Variants in PRSS35 observed in about 807,000 individuals in gnomAD.
The protein encoded by PRSS35 is serine protease 35, also known as inactive serine protease 35.
Under a neutral mutation model 8.1 loss-of-function variants are expected in PRSS35, and 7 were observed. That is an observed-to-expected ratio of 0.86 (90% CI 0.49 to 1.62). PRSS35 has a LOEUF of 1.62. PRSS35 is among the 40% of genes most tolerant of loss of function. The probability of loss-of-function intolerance (pLI) is 0.00; values close to 1 mark genes in which losing one functional copy is unlikely to be tolerated. For missense variants in PRSS35, 566 were observed against 518.0 expected (o/e 1.09, Z -0.90); for synonymous variants, 199 against 188.7 (o/e 1.05, Z -0.45).
rs1771701110 is a variant in PRSS35 at position 83,515,803 on chromosome 6, C to A, written c.-21+3109C>A. 4.7e-5 allele frequency among the ~76,000 whole-genome samples: 7 copies of A among 149,362 alleles called. No individual in the cohort carries two copies. The South Asian group carries it at 1.3e-3, about 28-fold the overall frequency. On this transcript the variant is annotated intron_variant, in intron 1 of 1. Transcript: ENST00000369700. ...GGCCCTTTTCTACTTTTTAATCACT[C>A]CCTACTACTACTACTTCTCTTTTCT...
intron 1 of PRSS35, among the ~76,000 whole-genome samples, chr6:83,513,138 G>A (rs1427668195): frequency 1.3e-5 from 2 of 152,000 alleles, no homozygotes; most frequent in African/African-American, 2.4e-5. Context: ...ATGAGGCGGC[G>A]AAATGAAGTA....
At position 83,524,778 on chromosome 6, in the gene PRSS35, T is replaced by G. The variant is rs1335396110; in HGVS notation, c.*95T>G. 8.7e-6 allele frequency: 11 copies of G among 1,260,646 alleles called. No individual in the cohort carries two copies. Among genetic ancestry groups the G allele is most frequent in the Non-Finnish European group, 1.1e-5 (10 of 922,970 alleles). 78.1% of individuals were successfully genotyped at this position (1,260,646 alleles called of 1,614,324 possible). A position where few individuals can be genotyped will look rare whatever the true frequency, so the allele number is the denominator to read the frequency against. The stretch of plus-strand genomic sequence containing the variant: ...ATCACTTCATAGGTTATGCCTGGAC[T>G]TGAACTCTGTCAATAGCATTTCAAC... On this transcript the variant is annotated 3_prime_UTR_variant, in exon 2 of 2. Transcript: ENST00000369700.
In PRSS35 at chr6:83,523,738, A is replaced by G; in HGVS notation, c.297A>G (p.Lys99=). The G allele has an allele frequency of 6.2e-7, 1 of 1,614,164 alleles. No individual in the cohort carries two copies. The highest frequency in any genetic ancestry group is 8.5e-7 in the Non-Finnish European group (1 of 1,180,034). The change falls in exon 2 of 2, where the codon AAA becomes AAG. Residue 99 remains lysine (K), a synonymous_variant. Coordinates refer to ENST00000369700, the MANE Select transcript of PRSS35 (RefSeq NM_153362.3). ...GCACCCGAACCTTAACCAGGGTGAA[A>G]GTTCAAGATTTGGTTCTTGAGCCGA... ...ENGTRTLTRV[K]VQDLVLEPTQ... is the part of the protein sequence containing the mutation.
Position 83,524,368 on chromosome 6 carries a change from C to T in PRSS35, c.927C>T (p.Phe309=). The T allele has an allele frequency of 6.2e-7, 1 of 1,614,056 alleles. No homozygotes were observed. The highest frequency in any genetic ancestry group is 2.2e-5 in the East Asian group (1 of 44,892). ...IKKMPGGMIH[F]SGFDNDRADQ... ...AAATGCCTGGTGGAATGATCCACTT[C>T]TCAGGATTTGATAACGATAGGGCTG... Residue 309 remains phenylalanine, a synonymous_variant, in exon 2 of 2, where the codon TTC becomes TTT. Coordinates refer to ENST00000369700, the MANE Select transcript of PRSS35 (RefSeq NM_153362.3).
chr6:83,513,250 A>G (rs1771657883), intron 1 of PRSS35, among the ~76,000 whole-genome samples: 1 of 151,980 alleles, frequency 6.6e-6, no homozygotes, highest in South Asian at 2.1e-4. Context: ...CAATAGTTGA[A>G]GCTGGTGATG....
chr6:83,522,245 A>G (rs1771836078), intron 1 of PRSS35, among the ~76,000 whole-genome samples: 1 of 152,212 alleles, frequency 6.6e-6, no homozygotes, highest in Non-Finnish European at 1.5e-5. Flanking sequence ...ACTATTAGTT[A>G]AAAATGACTT....
chr6:83,516,779 C>T (rs767611068), intron 1 of PRSS35, among the ~76,000 whole-genome samples: 6 of 152,098 alleles, frequency 3.9e-5, no homozygotes, highest in Admixed American at 2.6e-4. Context: ...CTGCATTGCT[C>T]TGGCCTCCGC....
chr6:83,523,360 A>G, intron 1 of PRSS35, 62 bp from the exon 2 acceptor site: 1 of 1,295,196 alleles, frequency 7.7e-7, no homozygotes, highest in South Asian at 1.4e-5. Flanking sequence ...GGGCTGAATG[A>G]AATGGATAAG....
chr6:83,521,337 A>G (rs188443399), intron 1 of PRSS35, among the ~76,000 whole-genome samples: 2 of 152,214 alleles, frequency 1.3e-5, no homozygotes, highest in East Asian at 3.9e-4. Context: ...TTGATGAAAT[A>G]CTATTGAGAA....
intron 1 of PRSS35, among the ~76,000 whole-genome samples, chr6:83,517,552 A>C (rs1771746446): frequency 6.6e-6 from 1 of 152,126 alleles, no homozygotes; most frequent in South Asian, 2.1e-4. Context: ...GTCACTTGTA[A>C]TTCTCCCCCT....
At chr6:83,520,635 C>A (rs577673899) in intron 1 of PRSS35, among the ~76,000 whole-genome samples, 1 of 152,278 alleles carries the variant, frequency 6.6e-6, no homozygotes, top group East Asian at 1.9e-4. Flanking sequence ...TAAGTCAAAT[C>A]ATTGCTTTGT....
chr6:83,522,091 T>C (rs1047863703), intron 1 of PRSS35, among the ~76,000 whole-genome samples: 4 of 152,156 alleles, frequency 2.6e-5, no homozygotes, highest in African/African-American at 9.7e-5. Flanking sequence ...GCTAATGTGC[T>C]TTCTTTTCCA....
In PRSS35 at chr6:83,525,424, T is replaced by G. The variant is rs1207900044; in HGVS notation, c.*741T>G. The stretch of plus-strand genomic sequence containing the variant: ...TTAAGATCTCAAGTTTTTATTTAAC[T>G]AATACTCAAAATATGGACTTTTCAT... On this transcript the variant is annotated 3_prime_UTR_variant, in exon 2 of 2. Transcript: ENST00000369700. 1 of 167,102 alleles carries G rather than the reference T, an allele frequency of 6.0e-6. No individual in the cohort carries two copies. Among genetic ancestry groups the G allele is most frequent in the Non-Finnish European group, 1.5e-5 (1 of 68,128 alleles). The allele number at this position is 167,102 out of a possible 1,614,324, so 10.4% of individuals were successfully genotyped here.
intron 1 of PRSS35, among the ~76,000 whole-genome samples, chr6:83,517,771 G>T (rs1169874620): frequency 5.9e-5 from 9 of 152,160 alleles, no homozygotes; most frequent in African/African-American, 2.2e-4. Flanking sequence ...GATTGCAGAT[G>T]GCTAAATAGA....
chr6:83,520,211 G>A (rs1385946328), intron 1 of PRSS35, among the ~76,000 whole-genome samples: 7 of 152,182 alleles, frequency 4.6e-5, no homozygotes, highest in Non-Finnish European at 7.3e-5. Flanking sequence ...TGAAGCAGAT[G>A]TCATTTAAAA....
chr6:83,516,168 G>A (rs1583457319), intron 1 of PRSS35, among the ~76,000 whole-genome samples: 1 of 152,136 alleles, frequency 6.6e-6, no homozygotes, highest in Non-Finnish European at 1.5e-5. Context: ...GTAAAAACTC[G>A]ATTCTCACCT....
intron 1 of PRSS35, among the ~76,000 whole-genome samples, chr6:83,517,817 T>C (rs896131509): frequency 6.6e-6 from 1 of 152,204 alleles, no homozygotes; most frequent in Non-Finnish European, 1.5e-5. Flanking sequence ...CATGCAATCA[T>C]TGGTGTGTAC....
chr6:83,513,440 GC>G (rs1771660816), intron 1 of PRSS35, among the ~76,000 whole-genome samples: 1 of 152,162 alleles, frequency 6.6e-6, no homozygotes, highest in African/African-American at 2.4e-5. Context: ...TGTCTAGGGG[GC>G]TTTCACCCCT....
intron 1 of PRSS35, among the ~76,000 whole-genome samples, chr6:83,516,857 A>C (rs1367001612): frequency 1.3e-5 from 2 of 152,084 alleles, no homozygotes; most frequent in Admixed American, 1.3e-4. Flanking sequence ...CTATGATTGC[A>C]TTGGACCCAC....
Sources: gnomAD v4.1 joint callset for allele counts (sites outside exome capture counted in the v4.1 genomes callset) on GRCh38, gnomAD v4.1.1 for gene constraint, MANE v1.5 for transcripts, NCBI Gene and HGNC (gene_info 2026-07-23, HGNC 2026-07-21) for gene names.